CLSTN2: variants seen among roughly 807,000 people sequenced by gnomAD.
The protein encoded by CLSTN2 is calsyntenin 2.
Under a neutral mutation model 101.2 loss-of-function variants are expected in CLSTN2, and 48 were observed. The observed-to-expected ratio is 0.47, with a 90% CI of 0.38 to 0.60. The LOEUF is 0.60. Among genes scored for constraint, CLSTN2 ranks in the 20% least tolerant of loss-of-function variants. CLSTN2 has a pLI of 0.00. For synonymous variants in CLSTN2, 481 were observed against 463.6 expected, an observed-to-expected ratio of 1.04 and a Z score of -0.48; for missense variants, 1,160 against 1,238.2, an observed-to-expected ratio of 0.94 and a Z score of 0.95.
chr3:140,092,055 C>A (rs904746249), intron 1 of CLSTN2, among the ~76,000 whole-genome samples: 3 of 152,144 alleles, frequency 2.0e-5, no homozygotes, highest in African/African-American at 7.2e-5. Context: ...CCCGTTGGAT[C>A]AGCCCCACCC....
intron 1 of CLSTN2, among the ~76,000 whole-genome samples, chr3:139,964,818 A>G (rs1051809153): frequency 2.6e-5 from 4 of 152,196 alleles, no homozygotes; most frequent in African/African-American, 9.6e-5. Flanking sequence ...TGCTGGTTGC[A>G]TGCAGTGCTA....
At chr3:140,004,954 C>T (rs143254645) in intron 1 of CLSTN2, among the ~76,000 whole-genome samples, 31 of 152,300 alleles carry the variant, frequency 2.0e-4, no homozygotes, top group African/African-American at 7.5e-4. Flanking sequence ...TCCACTGGGA[C>T]CACAGTTTAT....
At chr3:140,082,369 G>C (rs1215941947) in intron 1 of CLSTN2, among the ~76,000 whole-genome samples, 1 of 152,090 alleles carries the variant, frequency 6.6e-6, no homozygotes, top group African/African-American at 2.4e-5. Flanking sequence ...TTTGGCTTGG[G>C]GTTTATCTAT....
intron 1 of CLSTN2, among the ~76,000 whole-genome samples, chr3:140,091,549 T>A (rs962514395): frequency 2.0e-5 from 3 of 152,182 alleles, no homozygotes; most frequent in African/African-American, 7.2e-5. Flanking sequence ...TTGAAGACAT[T>A]TAAAAAATGT....
chr3:140,270,960 A>G (rs2086737038), intron 2 of CLSTN2, among the ~76,000 whole-genome samples: 1 of 152,172 alleles, frequency 6.6e-6, no homozygotes, highest in Admixed American at 6.6e-5. Context: ...CATGGAGACA[A>G]TTTAGCACCA....
At chr3:139,965,670 A>T (rs1935587147) in intron 1 of CLSTN2, among the ~76,000 whole-genome samples, 1 of 152,222 alleles carries the variant, frequency 6.6e-6, no homozygotes, top group African/African-American at 2.4e-5. Flanking sequence ...AAGCTGGCTC[A>T]GCCCTTTTCA....
chr3:140,511,065 T>G (rs1001662281), intron 8 of CLSTN2, among the ~76,000 whole-genome samples: 1 of 152,172 alleles, frequency 6.6e-6, no homozygotes, highest in Non-Finnish European at 1.5e-5. Context: ...ACCATGTGTG[T>G]CTATGTGTTC....
At chr3:140,155,223 A>G (rs1387376306) in intron 1 of CLSTN2, among the ~76,000 whole-genome samples, 2 of 152,220 alleles carry the variant, frequency 1.3e-5, no homozygotes, top group Non-Finnish European at 2.9e-5. Context: ...AGGCTAAGGT[A>G]GTATCATCTG....
chr3:140,389,497 C>T (rs1307038530), intron 2 of CLSTN2, among the ~76,000 whole-genome samples: 1 of 152,190 alleles, frequency 6.6e-6, no homozygotes, highest in East Asian at 1.9e-4. Context: ...CATAGTATTC[C>T]ATGGTGTATA....
At chr3:140,466,764 A>AT in intron 8 of CLSTN2, 33 bp downstream of exon 8, 1 of 1,612,822 alleles carries the variant, frequency 6.2e-7, no homozygotes, top group Non-Finnish European at 8.5e-7. Context: ...GCTGCTACTC[A>AT]TGCCTCTGCG....
intron 8 of CLSTN2, among the ~76,000 whole-genome samples, chr3:140,505,386 C>G (rs1354334589): frequency 1.3e-5 from 2 of 152,162 alleles, no homozygotes; most frequent in Non-Finnish European, 2.9e-5. Context: ...CTCTGCCACT[C>G]CCCCACAGAG....
intron 8 of CLSTN2, among the ~76,000 whole-genome samples, chr3:140,513,701 G>A (rs1019634527): frequency 6.7e-6 from 1 of 149,002 alleles, no homozygotes; most frequent in African/African-American, 2.5e-5. Context: ...AATAGTTTCA[G>A]TAGGAATGGT....
chr3:140,408,917 G>A (rs545521223), intron 4 of CLSTN2, among the ~76,000 whole-genome samples: 47 of 152,282 alleles, frequency 3.1e-4, no homozygotes, highest in African/African-American at 1.0e-3. Flanking sequence ...GCCTACATGC[G>A]TGCTTACCCA....
intron 2 of CLSTN2, among the ~76,000 whole-genome samples, chr3:140,323,837 A>G (rs1322197092): frequency 1.3e-5 from 2 of 152,240 alleles, no homozygotes; most frequent in Non-Finnish European, 2.9e-5. Context: ...GCTTGATAAC[A>G]TCACTGAGGA....
At chr3:140,141,536 A>G (rs948074485) in intron 1 of CLSTN2, among the ~76,000 whole-genome samples, 1 of 152,212 alleles carries the variant, frequency 6.6e-6, no homozygotes. Flanking sequence ...GAATAATGGC[A>G]ATAATAGCAA....
chr3:140,183,724 T>G (rs1265061558), intron 2 of CLSTN2, among the ~76,000 whole-genome samples: 2 of 152,170 alleles, frequency 1.3e-5, no homozygotes, highest in Admixed American at 6.5e-5. Context: ...TGAAAACAAC[T>G]TGTACACAAC....
chr3:140,480,159 C>T (rs1364919121), intron 8 of CLSTN2, among the ~76,000 whole-genome samples: 2 of 151,560 alleles, frequency 1.3e-5, no homozygotes, highest in African/African-American at 2.4e-5. Context: ...TGTGTTCTCA[C>T]TGTTCAGTTC....
At chr3:140,105,835 T>G (rs2009048775) in intron 1 of CLSTN2, among the ~76,000 whole-genome samples, 1 of 152,210 alleles carries the variant, frequency 6.6e-6, no homozygotes, top group South Asian at 2.1e-4. Context: ...AGGGCTGCTG[T>G]GGGTTGGTTT....
chr3:140,487,054 C>T (rs1039797425), intron 8 of CLSTN2, among the ~76,000 whole-genome samples: 2 of 152,058 alleles, frequency 1.3e-5, no homozygotes, highest in African/African-American at 2.4e-5. Flanking sequence ...CCCAAGGAGT[C>T]GAGAGGAATA....
Sources: gnomAD v4.1 joint callset for allele counts (sites outside exome capture counted in the v4.1 genomes callset) on GRCh38, gnomAD v4.1.1 for gene constraint, MANE v1.5 for transcripts, NCBI Gene and HGNC (gene_info 2026-07-23, HGNC 2026-07-21) for gene names.